Variants in GATAD2B observed in about 807,000 individuals in gnomAD.
The protein encoded by GATAD2B is GATA zinc finger domain containing 2B.
Under a neutral mutation model 64.3 loss-of-function variants are expected in GATAD2B, and 8 were observed. The ratio of observed to expected loss-of-function variants is 0.12; its 90% CI spans 0.07 to 0.22. The LOEUF (loss-of-function observed/expected upper bound fraction) is 0.22. Ranked by LOEUF, GATAD2B falls within the 10% of genes least tolerant of loss-of-function variation. GATAD2B has a pLI of 1.00. For synonymous variants in GATAD2B, 281 were observed against 271.3 expected, an observed-to-expected ratio of 1.04 and a Z score of -0.35; for missense variants, 453 against 752.0, an observed-to-expected ratio of 0.60 and a Z score of 4.65.
rs112647046 is a variant in GATAD2B, at chr1:153,898,581, A to T, written c.-2+24152T>A. Among the ~76,000 whole-genome samples, 289 of 151,976 alleles carry T rather than the reference A, an allele frequency of 1.9e-3. 1 individual carries two copies. The highest frequency in any genetic ancestry group is 6.7e-3 in the African/African-American group (279 of 41,486). On this transcript the variant is annotated intron_variant, in intron 1 of 10. Transcript: ENST00000368655. Reference sequence around the variant, plus strand: ...TCTCTACTAAACATACAAAAAAAAAATTAGCCAGGTGTGCCAGTGCACGCC... The same window carrying T: ...TCTCTACTAAACATACAAAAAAAAATTTAGCCAGGTGTGCCAGTGCACGCC...
chr1:153,886,151 C>T (rs79862066), intron 1 of GATAD2B, among the ~76,000 whole-genome samples: 2,949 of 152,240 alleles, frequency 0.019, 47 homozygotes, highest in Middle Eastern at 0.044. Flanking sequence ...TTATAAATAA[C>T]TTGTTAAATC....
chr1:153,828,448 T>TCACACA lies in GATAD2B; in HGVS notation c.-1-106_-1-101dup, dbSNP rs1170907017. The TCACACA allele has an allele frequency of 7.5e-6, 5 of 669,602 alleles. No individual in the cohort carries two copies. In the Admixed American group the frequency reaches 9.3e-5, roughly 12 times the overall value. 41.5% of individuals were successfully genotyped at this position (669,602 alleles called of 1,614,324 possible). On this transcript the variant is annotated intron_variant, in intron 1 of 10. Coordinates refer to ENST00000368655, the MANE Select transcript of GATAD2B (RefSeq NM_020699.4). ...GAAGTTATTAACAAGAATCTCTCTC[T>TCACACA]CACACATACACACACACACACACAC...
chr1:153,908,826 G>C (rs934082913), intron 1 of GATAD2B, among the ~76,000 whole-genome samples: 1 of 150,544 alleles, frequency 6.6e-6, no homozygotes, highest in Non-Finnish European at 1.5e-5. Context: ...AAACAAGGTT[G>C]TGTTTTATCC....
chr1:153,861,818 G>GTA (rs909550723), intron 1 of GATAD2B, among the ~76,000 whole-genome samples: 6 of 107,778 alleles, frequency 5.6e-5, no homozygotes, highest in Non-Finnish European at 9.8e-5. Flanking sequence ...ATACACATAT[G>GTA]TATATATATG....
rs540540050 is a variant in GATAD2B at position 153,843,296 on chromosome 1, G to A, written c.-1-14948C>T. Among the ~76,000 whole-genome samples the A allele has an allele frequency of 6.6e-5, 10 of 151,448 alleles. No homozygotes were observed. In the South Asian group the frequency reaches 1.9e-3, roughly 28 times the overall value. On this transcript the variant is annotated intron_variant, in intron 1 of 10. Coordinates refer to ENST00000368655, the MANE Select transcript of GATAD2B (RefSeq NM_020699.4). ...ACTACAGGTGCACACCACCACACTT[G>A]GCTAATATATGGGGTCTCACTATGT...
chr1:153,862,118 CTTTTTTT>C (rs754580519), intron 1 of GATAD2B, among the ~76,000 whole-genome samples: 1 of 101,182 alleles, frequency 9.9e-6, no homozygotes, highest in Non-Finnish European at 1.9e-5. Flanking sequence ...ACATTATATC[CTTTTTTT>C]TTTTTTTTTT....
chr1:153,855,575 A>C (rs1397797721), intron 1 of GATAD2B, among the ~76,000 whole-genome samples: 1 of 152,174 alleles, frequency 6.6e-6, no homozygotes, highest in Non-Finnish European at 1.5e-5. Flanking sequence ...TTAGTGGCTT[A>C]AACACAATAC....
chr1:153,817,238 A>C, intron 6 of GATAD2B, 134 bp downstream of exon 6: 1 of 786,814 alleles, frequency 1.3e-6, no homozygotes, highest in Non-Finnish European at 1.9e-6. Flanking sequence ...CTCTCAATTA[A>C]ATCCCTACCA....
At chr1:153,848,276 T>C (rs1327561219) in intron 1 of GATAD2B, among the ~76,000 whole-genome samples, 1 of 152,176 alleles carries the variant, frequency 6.6e-6, no homozygotes, top group Non-Finnish European at 1.5e-5. Flanking sequence ...TCAGTTCAGG[T>C]TTTATTCCCT....
chr1:153,843,872 T>C (rs1302004561), intron 1 of GATAD2B, among the ~76,000 whole-genome samples: 1 of 132,082 alleles, frequency 7.6e-6, no homozygotes, highest in Non-Finnish European at 1.6e-5. Flanking sequence ...TTGAAAACAA[T>C]GGACATCAGG....
intron 4 of GATAD2B, 105 bp downstream of exon 4, chr1:153,818,686 C>T: frequency 1.0e-6 from 1 of 975,196 alleles, no homozygotes; most frequent in Non-Finnish European, 1.5e-6. Flanking sequence ...AAACTACGGA[C>T]CCAGAGAAGA....
At chr1:153,899,488 A>C (rs1283963611) in intron 1 of GATAD2B, among the ~76,000 whole-genome samples, 2 of 150,668 alleles carry the variant, frequency 1.3e-5, no homozygotes, top group Non-Finnish European at 3.0e-5. Context: ...AATTGCTTGA[A>C]CCCAGGATGT....
intron 1 of GATAD2B, among the ~76,000 whole-genome samples, chr1:153,841,764 G>A (rs1472101525): frequency 6.6e-6 from 1 of 152,156 alleles, no homozygotes; most frequent in Non-Finnish European, 1.5e-5. Flanking sequence ...TCATGGGAAA[G>A]TTTTTGTAGA....
chr1:153,900,770 T>C (rs146388691), intron 1 of GATAD2B, among the ~76,000 whole-genome samples: 71 of 152,262 alleles, frequency 4.7e-4, no homozygotes, highest in Admixed American at 2.2e-3. Context: ...TCTGACATTG[T>C]AGCAGCATGA....
At chr1:153,884,682 G>A (rs559217665) in intron 1 of GATAD2B, among the ~76,000 whole-genome samples, 25 of 152,256 alleles carry the variant, frequency 1.6e-4, no homozygotes, top group African/African-American at 5.5e-4. Context: ...ATTATCTAAA[G>A]TTAAGAAAAA....
At chr1:153,889,712 A>AAC in intron 1 of GATAD2B, 1 of 687,300 alleles carries the variant, frequency 1.5e-6, no homozygotes, top group Non-Finnish European at 1.8e-6. Flanking sequence ...CTGTATTTTC[A>AAC]ACATTAAAAT....
intron 1 of GATAD2B, among the ~76,000 whole-genome samples, chr1:153,915,448 T>G (rs565587471): frequency 6.6e-6 from 1 of 151,710 alleles, no homozygotes; most frequent in East Asian, 1.9e-4. Context: ...AAAAATAAAC[T>G]TAATAAAAAT....
chr1:153,860,540 G>A (rs759684790), intron 1 of GATAD2B, among the ~76,000 whole-genome samples: 33 of 151,990 alleles, frequency 2.2e-4, no homozygotes, highest in Non-Finnish European at 4.6e-4. Context: ...TTGCTATGTT[G>A]CCCAGGCTGG....
chr1:153,919,828 T>A (rs1363605465), intron 1 of GATAD2B, among the ~76,000 whole-genome samples: 1 of 152,148 alleles, frequency 6.6e-6, no homozygotes, highest in Non-Finnish European at 1.5e-5. Context: ...CCAAACTACC[T>A]CAGAAAATGT....
Sources: gnomAD v4.1 joint callset for allele counts (sites outside exome capture counted in the v4.1 genomes callset) on GRCh38, gnomAD v4.1.1 for gene constraint, MANE v1.5 for transcripts, NCBI Gene and HGNC (gene_info 2026-07-23, HGNC 2026-07-21) for gene names.